Variants in JAK1 observed in about 807,000 individuals in gnomAD.
JAK1 encodes tyrosine-protein kinase JAK1.
Under a neutral mutation model 136.6 loss-of-function variants are expected in JAK1, and 16 were observed. That is an observed-to-expected ratio of 0.12 (90% CI 0.08 to 0.18). The LOEUF is 0.18. Among genes scored for constraint, JAK1 ranks in the 10% least tolerant of loss-of-function variants. The pLI is 1.00. For synonymous variants in JAK1, 492 were observed against 519.5 expected (o/e 0.95, Z 0.72); for missense variants, 859 against 1,450.1 (o/e 0.59, Z 6.62).
intron 1 of JAK1, among the ~76,000 whole-genome samples, chr1:64,934,248 G>A (rs926297776): frequency 2.0e-5 from 3 of 152,166 alleles, no homozygotes; most frequent in South Asian, 4.1e-4. Flanking sequence ...CTCCAGTCCT[G>A]GGAAACTTGC....
intron 1 of JAK1, among the ~76,000 whole-genome samples, chr1:64,940,795 G>C (rs1214792760): frequency 1.3e-5 from 2 of 152,154 alleles, no homozygotes; most frequent in African/African-American, 4.8e-5. Flanking sequence ...TTAATAAAGA[G>C]AAAATAAACT....
intron 1 of JAK1, among the ~76,000 whole-genome samples, chr1:65,054,296 G>A (rs1044689869): frequency 6.6e-6 from 1 of 152,016 alleles, no homozygotes; most frequent in Non-Finnish European, 1.5e-5. Flanking sequence ...TGACTTGTAA[G>A]ACTAACCAGG....
intron 1 of JAK1, among the ~76,000 whole-genome samples, chr1:65,052,467 C>T (rs1036988112): frequency 1.3e-5 from 2 of 151,706 alleles, no homozygotes; most frequent in African/African-American, 2.4e-5. Context: ...CACCTGAGGT[C>T]GGCAGTTCAA....
intron 1 of JAK1, among the ~76,000 whole-genome samples, chr1:65,065,560 C>G (rs1159215481): frequency 6.6e-6 from 1 of 151,556 alleles, no homozygotes; most frequent in Non-Finnish European, 1.5e-5. Flanking sequence ...AGCTAGGAGG[C>G]TTTTAGAGGG....
intron 2 of JAK1, among the ~76,000 whole-genome samples, chr1:65,005,264 A>C (rs1422350848): frequency 6.6e-6 from 1 of 152,156 alleles, no homozygotes; most frequent in Non-Finnish European, 1.5e-5. Flanking sequence ...GAATCACTTG[A>C]ACCCAGGAGG....
chr1:64,988,352 C>T (rs1176528498), intron 2 of JAK1, among the ~76,000 whole-genome samples: 2 of 152,226 alleles, frequency 1.3e-5, no homozygotes, highest in African/African-American at 2.4e-5. Flanking sequence ...TTTGGTGGCA[C>T]AGGCAGGATT....
At chr1:64,979,908 G>A (rs937293541) in intron 2 of JAK1, 2 of 152,098 alleles carry the variant, frequency 1.3e-5, no homozygotes, top group Non-Finnish European at 2.9e-5. Flanking sequence ...TATTTAATTG[G>A]CATTTATATC....
intron 2 of JAK1, among the ~76,000 whole-genome samples, chr1:65,028,861 G>C (rs1647000204): frequency 6.6e-6 from 1 of 152,086 alleles, no homozygotes; most frequent in African/African-American, 2.4e-5. Context: ...CTGGAAGTAT[G>C]GAATTTAAAT....
Position 64,867,139 on chromosome 1 carries a change from C to A in JAK1, c.717G>T (p.Arg239=), listed in dbSNP as rs2101116011. 6.2e-7 allele frequency: 1 copy of A among 1,612,978 alleles called. No homozygotes were observed. The highest frequency in any genetic ancestry group is 8.5e-7 in the Non-Finnish European group (1 of 1,179,108). ...IRQRNLLTRM[R]INNVFKDFLK... Reference sequence around the variant, plus strand: ...GGAAATCCTTGAAAACATTATTTATCCGCATCCTGGTGAGAAGGTTCCTCT... The same window carrying A: ...GGAAATCCTTGAAAACATTATTTATACGCATCCTGGTGAGAAGGTTCCTCT... The change falls in exon 7 of 25, where the codon CGG becomes CGT. Residue 239 remains arginine (R), a synonymous_variant. Transcript: ENST00000342505.
intron 2 of JAK1, among the ~76,000 whole-genome samples, chr1:65,001,240 C>T (rs1646753310): frequency 6.6e-6 from 1 of 152,318 alleles, no homozygotes; most frequent in South Asian, 2.1e-4. Flanking sequence ...CCTTAATCTT[C>T]ATAATTTTGG....
chr1:64,976,136 A>G (rs1646495993), intron 2 of JAK1, among the ~76,000 whole-genome samples: 1 of 152,104 alleles, frequency 6.6e-6, no homozygotes, highest in South Asian at 2.1e-4. Context: ...TATTCTTTTT[A>G]TTGTGGACAC....
chr1:65,002,258 C>A (rs1439918634), intron 2 of JAK1: 2 of 152,228 alleles, frequency 1.3e-5, no homozygotes, highest in Non-Finnish European at 2.9e-5. Context: ...TGAGCCCCAG[C>A]CAGAAGCAAG....
intron 2 of JAK1, among the ~76,000 whole-genome samples, chr1:64,885,611 G>A (rs1190560701): frequency 2.0e-5 from 3 of 152,070 alleles, no homozygotes; most frequent in African/African-American, 7.2e-5. Flanking sequence ...AAATTAGCTG[G>A]GCGTGGTGGC....
chr1:64,935,457 G>A (rs544095719), intron 1 of JAK1, among the ~76,000 whole-genome samples: 22 of 152,132 alleles, frequency 1.4e-4, no homozygotes, highest in Non-Finnish European at 2.5e-4. Context: ...GTGCCACCAC[G>A]CCCAGCTAAT....
intron 2 of JAK1, among the ~76,000 whole-genome samples, chr1:65,034,392 C>T (rs1290900108): frequency 6.6e-6 from 1 of 152,186 alleles, no homozygotes; most frequent in African/African-American, 2.4e-5. Context: ...AAGCTCATTA[C>T]CCTAAGGTCT....
chr1:64,939,834 T>C (rs998714508), intron 1 of JAK1, among the ~76,000 whole-genome samples: 1 of 152,186 alleles, frequency 6.6e-6, no homozygotes, highest in Non-Finnish European at 1.5e-5. Context: ...AATAACTACT[T>C]AGACTGTGTA....
At chr1:65,030,609 T>C (rs1468019402) in intron 2 of JAK1, among the ~76,000 whole-genome samples, 1 of 151,914 alleles carries the variant, frequency 6.6e-6, no homozygotes. Flanking sequence ...CTCTGCTCAC[T>C]GCAACCTCCA....
At chr1:64,891,078 T>G (rs1194509425) in intron 1 of JAK1, among the ~76,000 whole-genome samples, 2 of 152,108 alleles carry the variant, frequency 1.3e-5, no homozygotes, top group Admixed American at 6.5e-5. Flanking sequence ...CAGTAAGCAC[T>G]CATATTTTGA....
At chr1:64,846,368 C>T (rs1353168077) in intron 14 of JAK1, among the ~76,000 whole-genome samples, 1 of 152,136 alleles carries the variant, frequency 6.6e-6, no homozygotes, top group Admixed American at 6.5e-5. Flanking sequence ...TGGCCTTGAC[C>T]TCATTTCACT....
Sources: gnomAD v4.1 joint callset for allele counts (sites outside exome capture counted in the v4.1 genomes callset) on GRCh38, gnomAD v4.1.1 for gene constraint, MANE v1.5 for transcripts, NCBI Gene and HGNC (gene_info 2026-07-23, HGNC 2026-07-21) for gene names.